Variants in WDR7 observed in about 807,000 individuals in gnomAD.
The protein encoded by WDR7 is WD repeat domain 7.
Under a neutral mutation model 169.4 loss-of-function variants are expected in WDR7, and 46 were observed. The ratio of observed to expected loss-of-function variants is 0.27; its 90% CI spans 0.21 to 0.35. The LOEUF (loss-of-function observed/expected upper bound fraction) is 0.35. WDR7 is among the 10% of genes least tolerant of loss of function. The pLI, the probability that WDR7 is intolerant of heterozygous loss-of-function variation, is 1.00. For missense variants in WDR7, 1,534 were observed against 1,859.3 expected (o/e 0.83, Z 3.22); for synonymous variants, 612 against 666.8 (o/e 0.92, Z 1.27).
rs749016318 is a variant in WDR7, at chr18:56,731,250, CAAA to C, written c.1775-126_1775-124del. The C allele has an allele frequency of 2.4e-4, 227 of 958,356 alleles. 1 individual carries two copies. Among genetic ancestry groups the C allele is most frequent in the Non-Finnish European group, 3.3e-4 (220 of 666,598 alleles). 59.4% of individuals were successfully genotyped at this position (958,356 alleles called of 1,614,324 possible). On this transcript the variant is annotated intron_variant, in intron 13 of 27. Coordinates refer to ENST00000254442, the MANE Select transcript of WDR7 (RefSeq NM_015285.3). Reference sequence around the variant, plus strand: ...GGAAGATTGTTAGAGGAAGGAAGTACAAAAAAAAATTTCCAGGAGGCATTGATA... The same window carrying C: ...GGAAGATTGTTAGAGGAAGGAAGTACAAAAAATTTCCAGGAGGCATTGATA...
intron 21 of WDR7, among the ~76,000 whole-genome samples, chr18:56,883,346 C>T (rs1385570993): frequency 6.6e-6 from 1 of 151,668 alleles, no homozygotes; most frequent in Non-Finnish European, 1.5e-5. Flanking sequence ...GTACTGTTGT[C>T]ATCACTTTTC....
At chr18:56,964,200 G>A (rs1229106266) in intron 26 of WDR7, among the ~76,000 whole-genome samples, 2 of 140,252 alleles carry the variant, frequency 1.4e-5, no homozygotes, top group Non-Finnish European at 3.0e-5. Context: ...TGAAGATCTT[G>A]GTAACATGCA....
At chr18:56,970,371 AT>A (rs1054582405) in intron 26 of WDR7, among the ~76,000 whole-genome samples, 94 of 151,026 alleles carry the variant, frequency 6.2e-4, no homozygotes, top group African/African-American at 2.0e-3. Context: ...GTCTATCCTG[AT>A]TTTTTTCCAG....
At chr18:56,693,476 A>G (rs932258653) in intron 9 of WDR7, among the ~76,000 whole-genome samples, 2 of 152,046 alleles carry the variant, frequency 1.3e-5, no homozygotes, top group African/African-American at 4.8e-5. Context: ...AGCAAGTAAA[A>G]CATGATATGC....
At chr18:56,768,127 A>G (rs956976082) in intron 16 of WDR7, among the ~76,000 whole-genome samples, 3 of 152,184 alleles carry the variant, frequency 2.0e-5, no homozygotes, top group African/African-American at 7.2e-5. Flanking sequence ...ATTCACCACC[A>G]TGATGGTGTT....
chr18:56,792,174 T>G (rs2044498590), intron 19 of WDR7, among the ~76,000 whole-genome samples: 1 of 152,094 alleles, frequency 6.6e-6, no homozygotes, highest in Admixed American at 6.6e-5. Flanking sequence ...CACGCCACCA[T>G]GTCTAGCTAA....
chr18:56,822,072 G>T (rs113001324), intron 20 of WDR7, among the ~76,000 whole-genome samples: 1 of 152,138 alleles, frequency 6.6e-6, no homozygotes, highest in African/African-American at 2.4e-5. Flanking sequence ...TACTACAGGT[G>T]TGCTACTGTG....
intron 19 of WDR7, among the ~76,000 whole-genome samples, chr18:56,813,993 G>A (rs963837953): frequency 6.6e-6 from 1 of 152,140 alleles, no homozygotes; most frequent in African/African-American, 2.4e-5. Context: ...GTTTCTCAAG[G>A]TTATGCTGTG....
intron 21 of WDR7, among the ~76,000 whole-genome samples, chr18:56,913,772 G>C (rs2046585268): frequency 6.6e-6 from 1 of 151,806 alleles, no homozygotes; most frequent in African/African-American, 2.4e-5. Flanking sequence ...TCCAGCCTGG[G>C]TGACAGAGTG....
At chr18:56,978,618 G>A (rs574208247) in intron 26 of WDR7, among the ~76,000 whole-genome samples, 6 of 152,272 alleles carry the variant, frequency 3.9e-5, no homozygotes, top group African/African-American at 1.4e-4. Flanking sequence ...TGATGTATGT[G>A]TGTTTAGTTC....
chr18:56,774,963 CT>C (rs2044218259), intron 16 of WDR7, among the ~76,000 whole-genome samples: 1 of 151,610 alleles, frequency 6.6e-6, no homozygotes, highest in Non-Finnish European at 1.5e-5. Context: ...CTGTTTTTTT[CT>C]TTCCTTAAAA....
At chr18:56,718,677 T>A (rs77856429) in intron 13 of WDR7, among the ~76,000 whole-genome samples, 2,134 of 152,328 alleles carry the variant, frequency 0.014, 41 homozygotes, top group African/African-American at 0.047. Flanking sequence ...CAGACAATGA[T>A]ATGTAATGTT....
At chr18:56,849,148 C>T (rs2045607087) in intron 20 of WDR7, among the ~76,000 whole-genome samples, 1 of 152,138 alleles carries the variant, frequency 6.6e-6, no homozygotes, top group Non-Finnish European at 1.5e-5. Context: ...TATGCTTCTT[C>T]TTTAGCCATT....
intron 1 of WDR7, among the ~76,000 whole-genome samples, chr18:56,670,749 G>A (rs1165116613): frequency 1.3e-5 from 2 of 152,152 alleles, no homozygotes; most frequent in African/African-American, 4.8e-5. Flanking sequence ...GACCTCAAGT[G>A]ATCTGCCGAC....
intron 13 of WDR7, among the ~76,000 whole-genome samples, chr18:56,725,992 C>T (rs1300819143): frequency 2.0e-5 from 3 of 152,152 alleles, no homozygotes; most frequent in African/African-American, 7.2e-5. Flanking sequence ...TCTGAGGGCT[C>T]TGTTCTGTTC....
intron 20 of WDR7, among the ~76,000 whole-genome samples, chr18:56,828,187 C>G (rs1375461167): frequency 1.2e-4 from 19 of 152,210 alleles, no homozygotes; most frequent in Non-Finnish European, 4.4e-5. Flanking sequence ...CAAACTACCA[C>G]TTCAAATTTT....
At chr18:56,669,344 A>C (rs1306214489) in intron 1 of WDR7, among the ~76,000 whole-genome samples, 1 of 152,138 alleles carries the variant, frequency 6.6e-6, no homozygotes, top group Non-Finnish European at 1.5e-5. Context: ...ACAATGAGAA[A>C]ACTAAGCCTC....
At chr18:56,933,560 T>C (rs2046919320) in intron 22 of WDR7, among the ~76,000 whole-genome samples, 1 of 152,240 alleles carries the variant, frequency 6.6e-6, no homozygotes, top group South Asian at 2.1e-4. Flanking sequence ...AGCTAAGTAT[T>C]ATAACATATC....
intron 12 of WDR7, among the ~76,000 whole-genome samples, chr18:56,707,349 A>G (rs891844391): frequency 2.0e-5 from 3 of 151,384 alleles, no homozygotes; most frequent in African/African-American, 4.9e-5. Flanking sequence ...TTGTTTCCCA[A>G]CTATGGCCAG....
Sources: allele counts gnomAD v4.1 joint callset (sites outside exome capture counted in the v4.1 genomes callset), GRCh38; gene constraint gnomAD v4.1.1; transcripts MANE v1.5; gene names NCBI Gene and HGNC (gene_info 2026-07-23, HGNC 2026-07-21).